EHBP1: variants seen among roughly 807,000 people sequenced by gnomAD.
EHBP1 encodes EH domain-binding protein 1.
EHBP1 carries 55 observed loss-of-function variants against 144.0 expected under a neutral mutation model. That is an observed-to-expected ratio of 0.38 (90% CI 0.31 to 0.48). EHBP1 has a LOEUF of 0.48. Among genes scored for constraint, EHBP1 ranks in the 20% least tolerant of loss-of-function variants. The pLI is 0.98. For synonymous variants in EHBP1, 469 were observed against 472.7 expected (o/e 0.99, Z 0.10); for missense variants, 1,200 against 1,364.2 (o/e 0.88, Z 1.90).
At chr2:62,984,182 AACTTC>A (rs2059093635) in intron 15 of EHBP1, among the ~76,000 whole-genome samples, 1 of 152,182 alleles carries the variant, frequency 6.6e-6, no homozygotes, top group African/African-American at 2.4e-5. Context: ...TTTTAATGAT[AACTTC>A]ACTTTCTGTT....
chr2:62,843,818 A>G (rs1179793012), intron 7 of EHBP1, among the ~76,000 whole-genome samples: 1 of 152,160 alleles, frequency 6.6e-6, no homozygotes, highest in African/African-American at 2.4e-5. Context: ...AAATGGACAT[A>G]TTTTATAAGC....
At chr2:62,845,150 C>G (rs1161787707) in intron 7 of EHBP1, among the ~76,000 whole-genome samples, 1 of 150,786 alleles carries the variant, frequency 6.6e-6, no homozygotes, top group Non-Finnish European at 1.5e-5. Context: ...TTGTACCAGT[C>G]TCATGGGTAC....
intron 19 of EHBP1, among the ~76,000 whole-genome samples, chr2:63,000,474 T>C (rs766875020): frequency 1.5e-4 from 23 of 152,036 alleles, no homozygotes; most frequent in Non-Finnish European, 2.5e-4. Context: ...GACAGGTGGA[T>C]CACCTGAGGT....
intron 10 of EHBP1, among the ~76,000 whole-genome samples, chr2:62,916,258 G>T (rs1052039235): frequency 6.6e-6 from 1 of 152,048 alleles, no homozygotes; most frequent in Non-Finnish European, 1.5e-5. Flanking sequence ...TGAACCAGAA[G>T]AAGCAAAAGA....
At chr2:62,779,128 T>C (rs1341597590) in intron 5 of EHBP1, among the ~76,000 whole-genome samples, 1 of 152,230 alleles carries the variant, frequency 6.6e-6, no homozygotes. Flanking sequence ...TCAGTAGAGA[T>C]GGCTCAGCCT....
chr2:63,030,369 TTATAAATA>T (rs2061182116), intron 19 of EHBP1, among the ~76,000 whole-genome samples: 1 of 152,020 alleles, frequency 6.6e-6, no homozygotes, highest in Non-Finnish European at 1.5e-5. Flanking sequence ...GTATAAATGC[TTATAAATA>T]TCTGTTTTAA....
Position 62,740,367 on chromosome 2 carries a change from A to G in EHBP1, c.105-7028A>G, listed in dbSNP as rs574465397. Among the ~76,000 whole-genome samples the G allele has an allele frequency of 1.4e-4, 21 of 152,334 alleles. No homozygotes were observed. In the East Asian group the frequency reaches 3.9e-3, roughly 28 times the overall value. Reference sequence around the variant, plus strand: ...CAATTTTTTTCCCTATTGAATAATTACTGCAGCTTGCAAAATAACTCTTGT... The same window carrying G: ...CAATTTTTTTCCCTATTGAATAATTGCTGCAGCTTGCAAAATAACTCTTGT... On this transcript the variant is annotated intron_variant, in intron 2 of 22. Transcript: ENST00000431489.
chr2:62,906,884 A>G (rs1341826549), intron 10 of EHBP1, among the ~76,000 whole-genome samples: 1 of 152,244 alleles, frequency 6.6e-6, no homozygotes, highest in African/African-American at 2.4e-5. Context: ...AGAATGTAAT[A>G]TAAATTGAAT....
intron 4 of EHBP1, among the ~76,000 whole-genome samples, chr2:62,769,094 G>A (rs993086046): frequency 3.3e-5 from 5 of 152,050 alleles, no homozygotes; most frequent in Admixed American, 1.3e-4. Flanking sequence ...TTTGAAAACC[G>A]GCACAAGACA....
chr2:62,896,116 A>C (rs986418326), intron 10 of EHBP1, among the ~76,000 whole-genome samples: 10 of 152,182 alleles, frequency 6.6e-5, no homozygotes, highest in African/African-American at 2.2e-4. Context: ...ATACATAAAA[A>C]TCATGGTAAA....
At chr2:63,004,416 T>A (rs979823785) in intron 19 of EHBP1, among the ~76,000 whole-genome samples, 1 of 152,064 alleles carries the variant, frequency 6.6e-6, no homozygotes, top group African/African-American at 2.4e-5. Context: ...AAGGTCCTCT[T>A]CTCTATCATG....
At chr2:62,890,119 C>A (rs1021041330) in intron 10 of EHBP1, among the ~76,000 whole-genome samples, 4 of 152,014 alleles carry the variant, frequency 2.6e-5, no homozygotes, top group African/African-American at 9.7e-5. Flanking sequence ...TGCCACCACA[C>A]CCAGCTAATT....
chr2:62,744,918 CT>C (rs2152124838), intron 2 of EHBP1, among the ~76,000 whole-genome samples: 1 of 152,172 alleles, frequency 6.6e-6, no homozygotes, highest in Non-Finnish European at 1.5e-5. Flanking sequence ...TTAGAGTCAC[CT>C]GTGAAATTTA....
At position 62,961,959 on chromosome 2, in the gene EHBP1, C is replaced by T. The variant is rs188933504; in HGVS notation, c.2460+6299C>T. On this transcript the variant is annotated intron_variant, in intron 14 of 22. Transcript: ENST00000431489. ...AGGAGAATTGCTTGAACTCGGGAGG[C>T]GAACGTTGCAATGAGTGGAGATTGC... Among the ~76,000 whole-genome samples, 3 of 152,150 alleles carry T rather than the reference C, an allele frequency of 2.0e-5. No homozygotes were observed. In the East Asian group the frequency reaches 5.8e-4, roughly 29 times the overall value.
rs1312440572 is a variant in EHBP1 at position 63,045,213 on chromosome 2, G to A, written c.3392+33G>A. On this transcript the variant is annotated intron_variant, in intron 22 of 22. Coordinates refer to ENST00000431489, the MANE Select transcript of EHBP1 (RefSeq NM_001142616.3). This position sits in a 1 kb window ranked among gnomAD's most constrained non-coding sequence, Gnocchi z 5.7. ...GGCAGTGGGGTCGGGTCGAGGCTGG[G>A]CCACCTGCCGAGGGGCCGAGAAGTG... is the stretch of plus-strand genomic sequence containing the variant. The A allele has an allele frequency of 6.5e-7, 1 of 1,539,668 alleles. No individual in the cohort carries two copies. The highest frequency in any genetic ancestry group is 1.2e-5 in the South Asian group (1 of 84,650).
At chr2:62,729,271 G>T (rs2037151783) in intron 2 of EHBP1, among the ~76,000 whole-genome samples, 2 of 127,930 alleles carry the variant, frequency 1.6e-5, no homozygotes, top group African/African-American at 3.0e-5. Flanking sequence ...TCTTATATGT[G>T]GTCATTTAGA....
chr2:62,849,119 A>G (rs571122537), intron 7 of EHBP1, among the ~76,000 whole-genome samples: 5 of 152,150 alleles, frequency 3.3e-5, no homozygotes, highest in African/African-American at 1.2e-4. Context: ...CACTTTACCC[A>G]ATATAATAAA....
intron 10 of EHBP1, among the ~76,000 whole-genome samples, chr2:62,887,116 T>G (rs1374347399): frequency 6.6e-6 from 1 of 152,184 alleles, no homozygotes; most frequent in African/African-American, 2.4e-5. Flanking sequence ...TATAATAGAT[T>G]ACTATTCTAC....
At chr2:62,809,257 C>T (rs1162447662) in intron 5 of EHBP1, among the ~76,000 whole-genome samples, 1 of 147,300 alleles carries the variant, frequency 6.8e-6, no homozygotes. Flanking sequence ...CGCCATTGCA[C>T]TCCAGCCTGG....
Sources: gnomAD v4.1 joint callset for allele counts (sites outside exome capture counted in the v4.1 genomes callset) on GRCh38, gnomAD v4.1.1 for gene constraint, Gnocchi (gnomAD v3.1) non-coding constraint, MANE v1.5 for transcripts, NCBI Gene and HGNC (gene_info 2026-07-23, HGNC 2026-07-21) for gene names.